The following SRGAP3 variants were observed in gnomAD, a reference collection of about 807,000 sequenced individuals.
SRGAP3 encodes the protein SLIT-ROBO Rho GTPase activating protein 3, also known as SLIT-ROBO Rho GTPase-activating protein 3.
In SRGAP3, 39 loss-of-function variants were observed where a neutral mutation model predicts 121.1. The ratio of observed to expected loss-of-function variants is 0.32; its 90% CI spans 0.25 to 0.42. SRGAP3 has a LOEUF of 0.42. SRGAP3 is among the 10% of genes least tolerant of loss of function. The pLI is 1.00. For synonymous variants in SRGAP3, 601 were observed against 570.0 expected, an observed-to-expected ratio of 1.05 and a Z score of -0.77; for missense variants, 1,213 against 1,470.6, an observed-to-expected ratio of 0.82 and a Z score of 2.86.
intron 1 of SRGAP3, among the ~76,000 whole-genome samples, chr3:9,189,277 A>C (rs1402122638): frequency 6.6e-6 from 1 of 152,206 alleles, no homozygotes; most frequent in Non-Finnish European, 1.5e-5. Context: ...AACTGTCTTG[A>C]ATATTATGCA....
intron 12 of SRGAP3, among the ~76,000 whole-genome samples, 195 bp from the exon 13 acceptor site, chr3:9,027,190 G>A (rs1209110779): frequency 6.6e-6 from 1 of 152,154 alleles, no homozygotes; most frequent in Non-Finnish European, 1.5e-5. Context: ...TGCACAAAAA[G>A]GCATAGCTAT....
At chr3:9,075,345 G>A (rs1208407948) in intron 4 of SRGAP3, among the ~76,000 whole-genome samples, 1 of 152,060 alleles carries the variant, frequency 6.6e-6, no homozygotes, top group African/African-American at 2.4e-5. Flanking sequence ...AGTGTGTGGT[G>A]CATGTCAAAC....
chr3:9,121,629 C>T (rs1281000103), intron 2 of SRGAP3, among the ~76,000 whole-genome samples: 3 of 152,216 alleles, frequency 2.0e-5, no homozygotes, highest in Non-Finnish European at 4.4e-5. Flanking sequence ...GCTCCCGTTC[C>T]GTCTGGTGGC....
rs549741021 is a variant in SRGAP3, at chr3:9,164,627, A to T, written c.68-39710T>A. 5.3e-5 allele frequency among the ~76,000 whole-genome samples: 8 copies of T among 152,310 alleles called. 1 individual carries two copies. In the South Asian group the frequency reaches 1.7e-3, roughly 32 times the overall value. On this transcript the variant is annotated intron_variant, in intron 1 of 21. Coordinates refer to ENST00000383836, the MANE Select transcript of SRGAP3 (RefSeq NM_014850.4). Reference sequence around the variant, plus strand: ...TTTTACAAAATTTACACACACTCACAGATGCACACAGTTTTTCTGAAAAAC... The same window carrying T: ...TTTTACAAAATTTACACACACTCACTGATGCACACAGTTTTTCTGAAAAAC...
At chr3:9,162,599 G>A (rs986055768) in intron 1 of SRGAP3, among the ~76,000 whole-genome samples, 1 of 152,198 alleles carries the variant, frequency 6.6e-6, no homozygotes, top group African/African-American at 2.4e-5. Flanking sequence ...ACCACAGTGA[G>A]GGCAACACCT....
At chr3:9,251,379 C>T (rs1033266691), upstream of SRGAP3, among the ~76,000 whole-genome samples, 5 of 152,190 alleles carry the variant, frequency 3.3e-5, no homozygotes, top group African/African-American at 1.2e-4. Flanking sequence ...CATGTTCAGG[C>T]CCTTTGCTGT....
At chr3:9,346,005 A>C (rs1327588180) in intron 1 of SRGAP3, among the ~76,000 whole-genome samples, 1 of 152,132 alleles carries the variant, frequency 6.6e-6, no homozygotes, top group Non-Finnish European at 1.5e-5. Context: ...TTTACATATG[A>C]CTTAAGTCCT....
At position 9,289,045 on chromosome 3, in the gene SRGAP3, C is replaced by A. The variant is rs552204329; in HGVS notation, n.442+36965G>T. On this transcript the variant is annotated intron_variant and non_coding_transcript_variant, in intron 3 of 3. Transcript: ENST00000490889. ...CCAAGTAGCCGGGACTACAGGCATG[C>A]GCCATCAAGCCTGGCTAATTTTTTG... 1.5e-4 allele frequency among the ~76,000 whole-genome samples: 23 copies of A among 152,182 alleles called. 1 individual carries two copies. Among genetic ancestry groups the A allele is most frequent in the African/African-American group, 5.1e-4 (21 of 41,522 alleles).
chr3:9,230,576 A>C (rs1018152718), intron 1 of SRGAP3, among the ~76,000 whole-genome samples: 44 of 152,174 alleles, frequency 2.9e-4, no homozygotes, highest in African/African-American at 1.1e-3. Flanking sequence ...AGGGAAAAAG[A>C]AAGCATGGAT....
At chr3:9,245,008 A>G (rs919029107) in intron 1 of SRGAP3, among the ~76,000 whole-genome samples, 1 of 152,216 alleles carries the variant, frequency 6.6e-6, no homozygotes, top group African/African-American at 2.4e-5. Flanking sequence ...AGACAGCAGA[A>G]AGGAGGTGAT....
At chr3:9,132,384 C>G (rs904261031) in intron 1 of SRGAP3, among the ~76,000 whole-genome samples, 1 of 152,164 alleles carries the variant, frequency 6.6e-6, no homozygotes, top group African/African-American at 2.4e-5. Context: ...CCCTAAAAAT[C>G]CTCGTGCTCC....
intron 1 of SRGAP3, among the ~76,000 whole-genome samples, chr3:9,210,077 AT>A (rs1218940933): frequency 6.6e-6 from 1 of 152,168 alleles, no homozygotes; most frequent in Non-Finnish European, 1.5e-5. Context: ...GTGTGATTCC[AT>A]TTATATGCAA....
chr3:9,224,333 G>A (rs1443682604), intron 1 of SRGAP3, among the ~76,000 whole-genome samples: 1 of 152,216 alleles, frequency 6.6e-6, no homozygotes, highest in African/African-American at 2.4e-5. Context: ...TACAAGTGGT[G>A]TGGAAAAGGG....
intron 10 of SRGAP3, 35 bp from the exon 11 acceptor site, chr3:9,038,125 C>T: frequency 1.9e-6 from 3 of 1,613,792 alleles, no homozygotes; most frequent in Non-Finnish European, 2.5e-6. Context: ...GTTTAATTGC[C>T]TTTTCTTTTT....
chr3:9,275,814 G>C (rs1261996200), intron 3 of SRGAP3, among the ~76,000 whole-genome samples: 2 of 152,116 alleles, frequency 1.3e-5, no homozygotes, highest in Admixed American at 1.3e-4. Context: ...GTCTTTATCA[G>C]CAGCATGAAA....
intron 1 of SRGAP3, among the ~76,000 whole-genome samples, chr3:9,199,062 C>A (rs943005886): frequency 6.7e-6 from 1 of 150,168 alleles, no homozygotes; most frequent in Non-Finnish European, 1.5e-5. Flanking sequence ...CAATATCTGC[C>A]CCCCCTTCCC....
intron 1 of SRGAP3, among the ~76,000 whole-genome samples, chr3:9,129,702 C>A (rs1338388200): frequency 1.3e-5 from 2 of 152,000 alleles, no homozygotes; most frequent in African/African-American, 4.8e-5. Context: ...GCTCTGAGGG[C>A]AGATTCTCCC....
intron 3 of SRGAP3, among the ~76,000 whole-genome samples, chr3:9,319,044 A>G (rs1234502015): frequency 6.6e-6 from 1 of 151,946 alleles, no homozygotes; most frequent in Non-Finnish European, 1.5e-5. Flanking sequence ...TAAAAGGGGA[A>G]AAAATACATT....
intron 8 of SRGAP3, among the ~76,000 whole-genome samples, chr3:9,053,460 C>CTAT (rs1945678636): frequency 6.6e-6 from 1 of 152,212 alleles, no homozygotes; most frequent in Non-Finnish European, 1.5e-5. Context: ...GATATTTTAT[C>CTAT]GTATGGCTTC....
Sources: gnomAD v4.1 joint callset for allele counts (sites outside exome capture counted in the v4.1 genomes callset) on GRCh38, gnomAD v4.1.1 for gene constraint, MANE v1.5 for transcripts, NCBI Gene and HGNC (gene_info 2026-07-23, HGNC 2026-07-21) for gene names.